The following DMRTC1B variants were observed in gnomAD, a reference collection of about 807,000 sequenced individuals.
The protein encoded by DMRTC1B is doublesex- and mab-3-related transcription factor C1.
intron 1 of DMRTC1B, among the ~76,000 whole-genome samples, chrX:72,840,183 A>AAAAGCAAAGCAAAGCAAAGC (rs781802857): frequency 5.4e-5 from 4 of 74,512 alleles, no homozygotes; most frequent in South Asian, 8.6e-4. Flanking sequence ...AGCAAAGAGA[A>AAAAGCAAAGCAAAGCAAAGC]AAAGCAAAGC....
At chrX:72,848,145 G>C in intron 6 of DMRTC1B, 118 bp from the exon 7 acceptor site, 1 of 59,065 alleles carries the variant, frequency 1.7e-5, no homozygotes, top group South Asian at 2.8e-4. Context: ...CAGAGAGGAA[G>C]AGGTCTATGC....
At chrX:72,804,371 T>G (rs2054648226) in intron 1 of DMRTC1B, among the ~76,000 whole-genome samples, 1 of 79,470 alleles carries the variant, frequency 1.3e-5, no homozygotes, top group Admixed American at 1.5e-4. Flanking sequence ...TCCATGAATG[T>G]TTTAGCTTTG....
chrX:72,795,701 ATTGT>A (rs1470968503), intron 1 of DMRTC1B, among the ~76,000 whole-genome samples: 1 of 40,541 alleles, frequency 2.5e-5, no homozygotes, highest in African/African-American at 7.8e-5. Context: ...TACTCTACTG[ATTGT>A]TTCTTTTGCT....
At chrX:72,802,547 G>A (rs782289467) in intron 1 of DMRTC1B, among the ~76,000 whole-genome samples, 19 of 65,839 alleles carry the variant, frequency 2.9e-4, no homozygotes, top group African/African-American at 6.4e-4. Context: ...TAATAGCGTC[G>A]GTCCTTCTCA....
chrX:72,845,914 C>G lies in DMRTC1B; in HGVS notation c.166C>G (p.Pro56Ala), dbSNP rs1556349846. The change falls in exon 4 of 7, where the codon CCT becomes GCT. Residue 56 changes from proline to alanine, a missense_variant. Pro to Ala is a conservative substitution (Grantham distance 27). Coordinates refer to ENST00000334036, the MANE Select transcript of DMRTC1B (RefSeq NM_001386972.1). ...TCTGCTGCTTGGCCAGGCCCCAGAA[C>G]CTTTGTCTCTGCCCTGTACTCCAGT... ...GALLLGQAPE[P>A]LSLPCTPVTL... 1.2e-4 allele frequency: 2 copies of G among 16,308 alleles called. No homozygotes were observed. Among genetic ancestry groups the G allele is most frequent in the Non-Finnish European group, 6.1e-4 (2 of 3,299 alleles). The allele number at this position is 16,308 out of a possible 1,213,427, so 1.3% of individuals were successfully genotyped here. A position where few individuals can be genotyped will look rare whatever the true frequency, so the allele number is the denominator to read the frequency against.
At chrX:72,840,190 AAGCAAAGCAAAGC>A (rs2054728345) in intron 1 of DMRTC1B, among the ~76,000 whole-genome samples, 1 of 4,098 alleles carries the variant, frequency 2.4e-4, no homozygotes, top group African/African-American at 6.1e-4. Context: ...AGAAAAAGCA[AAGCAAAGCAAAGC>A]AAAGCAAAGC....
chrX:72,807,290 G>C (rs2054661588), intron 1 of DMRTC1B: 1 of 314,560 alleles, frequency 3.2e-6, no homozygotes, highest in Admixed American at 5.3e-5. Flanking sequence ...GCGCTGCCTC[G>C]AGGAGGAGGG....
chrX:72,820,512 T>C (rs1353839495), intron 1 of DMRTC1B, among the ~76,000 whole-genome samples: 4 of 109,425 alleles, frequency 3.7e-5, no homozygotes, highest in South Asian at 3.7e-4. Flanking sequence ...ACCCGAGATA[T>C]TTCTTTTTTT....
intron 1 of DMRTC1B, chrX:72,807,620 G>A: frequency 3.5e-6 from 3 of 863,989 alleles, no homozygotes; most frequent in Non-Finnish European, 4.5e-6. Context: ...GGAGCCCTGG[G>A]GATTTCTGAC....
Position 72,840,125 on chromosome X carries a change from CA to C in DMRTC1B, c.-94-4900del, listed in dbSNP as rs200527014. Among the ~76,000 whole-genome samples the C allele has an allele frequency of 5.0e-3, 115 of 23,049 alleles. 4 individuals carry two copies. The highest frequency in any genetic ancestry group is 5.8e-3 in the Non-Finnish European group (67 of 11,636). 20.0% of individuals were successfully genotyped at this position (23,049 alleles called of 115,157 possible). A position where few individuals can be genotyped will look rare whatever the true frequency, so the allele number is the denominator to read the frequency against. On this transcript the variant is annotated intron_variant, in intron 1 of 6. Transcript: ENST00000334036. ...CTGGGCAACAAGAGCGAAACTCCGT[CA>C]AAAAAAAAAAAAAAAAGAAAGAAAG...
intron 1 of DMRTC1B, among the ~76,000 whole-genome samples, chrX:72,814,950 A>T: frequency 1.2e-4 from 1 of 8,424 alleles, no homozygotes; most frequent in African/African-American, 1.3e-4. Flanking sequence ...ATTTTTTATT[A>T]TTTCATTCTT....
intron 1 of DMRTC1B, among the ~76,000 whole-genome samples, chrX:72,804,863 CCTT>C (rs1341592215): frequency 9.7e-6 from 1 of 102,594 alleles, no homozygotes; most frequent in Non-Finnish European, 2.0e-5. Context: ...TGACCCCACA[CCTT>C]CTTCTGAGGC....
chrX:72,815,605 C>G (rs1556347795), intron 1 of DMRTC1B, among the ~76,000 whole-genome samples: 2 of 111,313 alleles, frequency 1.8e-5, no homozygotes, highest in African/African-American at 6.7e-5. Flanking sequence ...TTCAATCTCA[C>G]TGGAGTATAC....
intron 1 of DMRTC1B, among the ~76,000 whole-genome samples, chrX:72,839,500 C>T (rs1473541124): frequency 8.9e-6 from 1 of 112,013 alleles, no homozygotes; most frequent in Non-Finnish European, 1.9e-5. Context: ...CTGTATTACC[C>T]CCTCAGCTTT....
intron 1 of DMRTC1B, among the ~76,000 whole-genome samples, chrX:72,804,647 A>G (rs1293114142): frequency 1.4e-5 from 1 of 69,563 alleles, no homozygotes; most frequent in African/African-American, 3.8e-5. Flanking sequence ...ACGCTCCTGT[A>G]ACACAGCAGG....
At chrX:72,839,531 G>A (rs1186643953) in intron 1 of DMRTC1B, among the ~76,000 whole-genome samples, 2 of 109,470 alleles carry the variant, frequency 1.8e-5, no homozygotes, top group Non-Finnish European at 1.9e-5. Context: ...AAAATAAAAC[G>A]TTGAGGAAAA....
rs1168291614 is a variant in DMRTC1B, at chrX:72,820,579, G to A, written c.-94-24463G>A. Among the ~76,000 whole-genome samples, 30 of 94,963 alleles carry A rather than the reference G, an allele frequency of 3.2e-4. No homozygotes were observed. The Admixed American group carries it at 3.5e-3, about 11-fold the overall frequency. 82.5% of individuals were successfully genotyped at this position (94,963 alleles called of 115,157 possible). A position where few individuals can be genotyped will look rare whatever the true frequency, so the allele number is the denominator to read the frequency against. On this transcript the variant is annotated intron_variant, in intron 1 of 6. Transcript: ENST00000334036. ...GTCGCCCAGGCTGGAGTGCAGTGGC[G>A]CAATCTCGGCCCACTGCAGGCTCCG...
chrX:72,815,322 TA>T (rs1237777371), intron 1 of DMRTC1B, among the ~76,000 whole-genome samples: 7 of 62,373 alleles, frequency 1.1e-4, no homozygotes, highest in East Asian at 4.2e-4. Context: ...AATAAATAAA[TA>T]AAATAAAAAT....
intron 1 of DMRTC1B, among the ~76,000 whole-genome samples, chrX:72,832,669 AG>A (rs1279298422): frequency 1.4e-4 from 14 of 101,289 alleles, no homozygotes; most frequent in Admixed American, 4.2e-4. Flanking sequence ...GGGGAGGGGG[AG>A]GGGGAGGGGG....
Sources: allele counts gnomAD v4.1 joint callset (sites outside exome capture counted in the v4.1 genomes callset), GRCh38; gene constraint gnomAD v4.1.1; transcripts MANE v1.5; gene names NCBI Gene and HGNC (gene_info 2026-07-23, HGNC 2026-07-21).